The following OSBPL3 variants were observed in gnomAD, a reference collection of about 807,000 sequenced individuals.
The protein encoded by OSBPL3 is oxysterol binding protein like 3.
OSBPL3 carries 65 observed loss-of-function variants against 120.1 expected under a neutral mutation model. The ratio of observed to expected loss-of-function variants is 0.54; its 90% CI spans 0.44 to 0.67. The LOEUF (loss-of-function observed/expected upper bound fraction) is 0.67, where lower values mean the gene tolerates loss of function less well. Among genes scored for constraint, OSBPL3 ranks in the 30% least tolerant of loss-of-function variants. The pLI, the probability that OSBPL3 is intolerant of heterozygous loss-of-function variation, is 0.00. For synonymous variants in OSBPL3, 416 were observed against 402.6 expected (o/e 1.03, Z -0.40); for missense variants, 1,004 against 1,082.1 (o/e 0.93, Z 1.01).
At chr7:24,970,761 C>T (rs1056620955) in intron 1 of OSBPL3, among the ~76,000 whole-genome samples, 2 of 152,124 alleles carry the variant, frequency 1.3e-5, no homozygotes, top group Non-Finnish European at 2.9e-5. Context: ...ATGTCTGGGG[C>T]TTAAAACGTT....
chr7:24,906,985 T>C (rs756278273), intron 1 of OSBPL3, among the ~76,000 whole-genome samples: 9 of 152,146 alleles, frequency 5.9e-5, no homozygotes, highest in Non-Finnish European at 1.0e-4. Flanking sequence ...TATTAATACC[T>C]GCCACTGGCT....
In OSBPL3 at chr7:24,917,397, G is replaced by A. The variant is rs907616282; in HGVS notation, c.-149-24776C>T. 8.5e-3 allele frequency among the ~76,000 whole-genome samples: 390 copies of A among 46,042 alleles called. 7 individuals are homozygous for A. The highest frequency in any genetic ancestry group is 0.033 in the African/African-American group (366 of 11,048). 30.2% of individuals were successfully genotyped at this position (46,042 alleles called of 152,430 possible). A position where few individuals can be genotyped will look rare whatever the true frequency, so the allele number is the denominator to read the frequency against. Reference sequence around the variant, plus strand: ...ATATTTGTAACATATATATATATTTGTAACATATATATATATATATATATA... The same window carrying A: ...ATATTTGTAACATATATATATATTTATAACATATATATATATATATATATA... On this transcript the variant is annotated intron_variant, in intron 1 of 22. Transcript: ENST00000313367.
At chr7:24,943,877 C>T (rs1175066394) in intron 1 of OSBPL3, among the ~76,000 whole-genome samples, 3 of 152,028 alleles carry the variant, frequency 2.0e-5, no homozygotes, top group Admixed American at 2.0e-4. Context: ...TATCATTGTA[C>T]TCCACCAGAT....
chr7:24,848,835 G>A (rs1037929369), intron 12 of OSBPL3, among the ~76,000 whole-genome samples: 1 of 151,954 alleles, frequency 6.6e-6, no homozygotes, highest in South Asian at 2.1e-4. Flanking sequence ...AAAAAAAAAA[G>A]AGAGTTCTGG....
At chr7:24,970,092 CTTCGTCCCTTTCTTT>C (rs1438217645) in intron 1 of OSBPL3, among the ~76,000 whole-genome samples, 19 of 150,346 alleles carry the variant, frequency 1.3e-4, no homozygotes, top group African/African-American at 4.6e-4. Flanking sequence ...CTACCTTTCC[CTTCGTCCCTTTCTTT>C]TTTTTTTTTT....
Position 24,872,086 on chromosome 7 carries a change from G to A in OSBPL3, c.97-17C>T. On this transcript the variant is annotated splice_polypyrimidine_tract_variant and intron_variant, in intron 2 of 22. Transcript: ENST00000313367. The surrounding 1 kb of genome is among the most constrained non-coding windows in gnomAD (Gnocchi z 4.1). ...CCAGCTGTCCTGTTCCAACAAAAGA[G>A]TTCATGTTAAATGTCTATCTTTTTG... The A allele has an allele frequency of 2.7e-6, 4 of 1,499,288 alleles. No individual in the cohort carries two copies. The highest frequency in any genetic ancestry group is 3.7e-6 in the Non-Finnish European group (4 of 1,075,976). 92.9% of individuals were successfully genotyped at this position (1,499,288 alleles called of 1,614,324 possible).
At chr7:24,980,644 C>G (rs1818237635), upstream of OSBPL3, among the ~76,000 whole-genome samples, 1 of 151,942 alleles carries the variant, frequency 6.6e-6, no homozygotes, top group Non-Finnish European at 1.5e-5. Context: ...CCGAGAAAGT[C>G]AGACTGTGGC....
rs1036247075 is a variant in OSBPL3, at chr7:24,854,501, C to T, written c.1028-1867G>A. Among the ~76,000 whole-genome samples, 6 of 70,792 alleles carry T rather than the reference C, an allele frequency of 8.5e-5. No homozygotes were observed. The highest frequency in any genetic ancestry group is 5.5e-4 in the South Asian group (1 of 1,810). 46.4% of individuals were successfully genotyped at this position (70,792 alleles called of 152,430 possible). ...TCACAACAATTTGTACACACACACA[C>T]GCACACACACACACACACACACACA... On this transcript the variant is annotated intron_variant, in intron 10 of 22. Transcript: ENST00000313367. This position sits in a 1 kb window ranked among gnomAD's most constrained non-coding sequence, Gnocchi z 4.1.
intron 1 of OSBPL3, among the ~76,000 whole-genome samples, chr7:24,961,260 C>T (rs972498521): frequency 5.3e-5 from 8 of 152,176 alleles, no homozygotes; most frequent in Non-Finnish European, 1.5e-5. Context: ...CAATCATAAA[C>T]TGTCTAATAC....
At chr7:24,944,588 C>A (rs1249354083) in intron 1 of OSBPL3, among the ~76,000 whole-genome samples, 2 of 150,322 alleles carry the variant, frequency 1.3e-5, no homozygotes, top group Non-Finnish European at 3.0e-5. Context: ...TGAGATTGCG[C>A]CACTGCACTC....
At chr7:24,957,317 CCAAA>C (rs1379920027) in intron 1 of OSBPL3, among the ~76,000 whole-genome samples, 2 of 152,076 alleles carry the variant, frequency 1.3e-5, no homozygotes, top group Non-Finnish European at 2.9e-5. Flanking sequence ...TCCAAATGCC[CCAAA>C]CAAACAAATC....
Position 24,881,177 on chromosome 7 carries a change from T to A in OSBPL3, c.97-9108A>T, listed in dbSNP as rs1217920944. Among the ~76,000 whole-genome samples the A allele has an allele frequency of 6.6e-6, 1 of 152,220 alleles. No individual in the cohort carries two copies. The highest frequency in any genetic ancestry group is 1.5e-5 in the Non-Finnish European group (1 of 68,042). On this transcript the variant is annotated intron_variant, in intron 2 of 22. Coordinates refer to ENST00000313367, the MANE Select transcript of OSBPL3 (RefSeq NM_015550.4). The surrounding 1 kb of genome is among the most constrained non-coding windows in gnomAD (Gnocchi z 4.3). ...ACATTCTGACTAATCAACACATGCA[T>A]GACTTAGAATCACAGGAGTAGGTGG...
rs140736877 is a variant in OSBPL3, at chr7:24,855,587, G to A, written c.1028-2953C>T. ...CTAAATTTCTTAAATGACTATCAGG[G>A]CCCACTCAGGACATTAAAATAGTCA... On this transcript the variant is annotated intron_variant, in intron 10 of 22. Coordinates refer to ENST00000313367, the MANE Select transcript of OSBPL3 (RefSeq NM_015550.4). This position sits in a 1 kb window ranked among gnomAD's most constrained non-coding sequence, Gnocchi z 4.3. Among the ~76,000 whole-genome samples, 1,263 of 152,132 alleles carry A rather than the reference G, an allele frequency of 8.3e-3. 4 individuals carry two copies. The highest frequency in any genetic ancestry group is 0.013 in the Non-Finnish European group (863 of 67,988).
At position 24,809,851 on chromosome 7, in the gene OSBPL3, A is replaced by G. The variant is rs752349606; in HGVS notation, c.2273T>C (p.Ile758Thr). ...AGAAGAGGAGCCGCCGCCACAGTAGATGCTTTCATGCCATTTCCCAAACAG... is the reference window on the plus strand; with the variant it reads ...AGAAGAGGAGCCGCCGCCACAGTAGGTGCTTTCATGCCATTTCCCAAACAG... ...HRLFGKWHES[I>T]YCGGGSSSAC... The change falls in exon 20 of 23, where the codon ATC (isoleucine) becomes ACC (threonine). Residue 758 changes from isoleucine to threonine, a missense_variant. Coordinates refer to ENST00000313367, the MANE Select transcript of OSBPL3 (RefSeq NM_015550.4). 6.2e-7 allele frequency: 1 copy of G among 1,614,178 alleles called. No individual in the cohort carries two copies. The highest frequency in any genetic ancestry group is 1.7e-5 in the Admixed American group (1 of 60,016).
intron 1 of OSBPL3, among the ~76,000 whole-genome samples, chr7:24,895,364 G>A (rs1391607353): frequency 6.6e-6 from 1 of 152,140 alleles, no homozygotes; most frequent in Non-Finnish European, 1.5e-5. Flanking sequence ...TGCTGTACAG[G>A]TTTGTAGCCT....
In OSBPL3 at chr7:24,938,779, A is replaced by ATGTGTGTGTCTGTGTGTGTG. The variant is rs1464067345; in HGVS notation, c.-150+41106_-150+41107insCACACACACAGACACACACA. ...AACTGAATAATGAGGTTTTGTTTTG[A>ATGTGTGTGTCTGTGTGTGTG]TGTGTGTGTGTGTGTGTGTGTGTGT... On this transcript the variant is annotated intron_variant, in intron 1 of 22. Coordinates refer to ENST00000313367, the MANE Select transcript of OSBPL3 (RefSeq NM_015550.4). This position sits in a 1 kb window ranked among gnomAD's most constrained non-coding sequence, Gnocchi z 5.8. 2.0e-4 allele frequency among the ~76,000 whole-genome samples: 19 copies of ATGTGTGTGTCTGTGTGTGTG among 94,254 alleles called. No homozygotes were observed. Among genetic ancestry groups the ATGTGTGTGTCTGTGTGTGTG allele is most frequent in the African/African-American group, 6.9e-4 (17 of 24,502 alleles). 61.8% of individuals were successfully genotyped at this position (94,254 alleles called of 152,430 possible). A position where few individuals can be genotyped will look rare whatever the true frequency, so the allele number is the denominator to read the frequency against.
intron 12 of OSBPL3, among the ~76,000 whole-genome samples, chr7:24,848,616 A>G (rs1422667767): frequency 6.6e-6 from 1 of 152,174 alleles, no homozygotes; most frequent in Non-Finnish European, 1.5e-5. Context: ...GCATTCTATA[A>G]AAGAAAAAGA....
In OSBPL3 at chr7:24,865,448, C is replaced by T. The variant is rs539141268; in HGVS notation, c.567G>A (p.Lys189=). 1.4e-5 allele frequency: 23 copies of T among 1,613,760 alleles called. No homozygotes were observed. The African/African-American group carries it at 2.7e-4, about 19-fold the overall frequency. Residue 189 remains lysine, a synonymous_variant, in exon 7 of 23, where the codon AAG becomes AAA. Coordinates refer to ENST00000313367, the MANE Select transcript of OSBPL3 (RefSeq NM_015550.4). ...ISSRKRSSIS[K]QNLFQTGSNV... Reference sequence around the variant, plus strand: ...TGCTTCCAGTTTGAAATAAATTCTGCTTTGATATACTGCTACGCTGTTCCA... The same window carrying T: ...TGCTTCCAGTTTGAAATAAATTCTGTTTTGATATACTGCTACGCTGTTCCA...
Position 24,891,466 on chromosome 7 carries a change from G to A in OSBPL3, c.96+911C>T, listed in dbSNP as rs1464093185. On this transcript the variant is annotated intron_variant, in intron 2 of 22. Transcript: ENST00000313367. The surrounding 1 kb of genome is among the most constrained non-coding windows in gnomAD (Gnocchi z 4.1). ...TTGCTTAATTGCTGCTTCCAATTCTGGAACCAAAGACTCTGGGTGATTTCT... is the reference window on the plus strand; with the variant it reads ...TTGCTTAATTGCTGCTTCCAATTCTAGAACCAAAGACTCTGGGTGATTTCT... Among the ~76,000 whole-genome samples, 2 of 152,156 alleles carry A rather than the reference G, an allele frequency of 1.3e-5. No homozygotes were observed. Among genetic ancestry groups the A allele is most frequent in the East Asian group, 3.8e-4 (2 of 5,200 alleles).
Sources: allele counts gnomAD v4.1 joint callset (sites outside exome capture counted in the v4.1 genomes callset), GRCh38; gene constraint gnomAD v4.1.1; non-coding constraint Gnocchi (gnomAD v3.1); transcripts MANE v1.5; gene names NCBI Gene and HGNC (gene_info 2026-07-23, HGNC 2026-07-21).